The following SMOC1 variants were observed in gnomAD, a reference collection of about 807,000 sequenced individuals.
SMOC1 encodes the protein SPARC-related modular calcium-binding protein 1.
SMOC1 carries 22 observed loss-of-function variants against 56.3 expected under a neutral mutation model. The observed-to-expected ratio is 0.39, with a 90% confidence interval of 0.28 to 0.56. The LOEUF is 0.56. Among genes scored for constraint, SMOC1 ranks in the 20% least tolerant of loss-of-function variants. The pLI, the probability that SMOC1 is intolerant of heterozygous loss-of-function variation, is 0.61. For missense variants in SMOC1, 509 were observed against 565.4 expected (o/e 0.90, Z 1.01); for synonymous variants, 193 against 215.0 (o/e 0.90, Z 0.89).
chr14:69,953,312 T>C, intron 2 of SMOC1, 108 bp from the exon 3 acceptor site: 1 of 976,386 alleles, frequency 1.0e-6, no homozygotes, highest in Non-Finnish European at 1.7e-6. Context: ...AGCCAGTTAG[T>C]TGTGTGTGGG....
At chr14:69,943,539 T>C (rs1459154456) in intron 1 of SMOC1, among the ~76,000 whole-genome samples, 1 of 152,138 alleles carries the variant, frequency 6.6e-6, no homozygotes, top group African/African-American at 2.4e-5. Context: ...AAGGCCAAAG[T>C]CCAGTTTTGC....
intron 4 of SMOC1, among the ~76,000 whole-genome samples, chr14:69,976,779 C>T (rs1883975591): frequency 6.6e-6 from 1 of 152,136 alleles, no homozygotes. Flanking sequence ...ACATATTTTT[C>T]ATTTTAAGTG....
chr14:69,902,916 A>G (rs1382437038), intron 1 of SMOC1, among the ~76,000 whole-genome samples: 1 of 152,146 alleles, frequency 6.6e-6, no homozygotes, highest in African/African-American at 2.4e-5. Context: ...TCGTTCACTC[A>G]GTGCTCAGTG....
At chr14:70,022,246 C>T (rs1885751937) in intron 10 of SMOC1, among the ~76,000 whole-genome samples, 1 of 152,178 alleles carries the variant, frequency 6.6e-6, no homozygotes, top group Admixed American at 6.5e-5. Flanking sequence ...ACCCTGACTC[C>T]GTTTTGGGAG....
chr14:70,006,527 C>T (rs1885153013), intron 7 of SMOC1, among the ~76,000 whole-genome samples: 1 of 152,272 alleles, frequency 6.6e-6, no homozygotes, highest in South Asian at 2.1e-4. Flanking sequence ...GCTTACAGGG[C>T]TACAAAAATA....
At chr14:69,904,673 C>T (rs1884359045) in intron 1 of SMOC1, among the ~76,000 whole-genome samples, 1 of 152,190 alleles carries the variant, frequency 6.6e-6, no homozygotes, top group Non-Finnish European at 1.5e-5. Flanking sequence ...ATAGCATGGG[C>T]CCTGGAGTCA....
intron 1 of SMOC1, among the ~76,000 whole-genome samples, chr14:69,942,081 C>G (rs1369909913): frequency 6.6e-6 from 1 of 152,190 alleles, no homozygotes; most frequent in Non-Finnish European, 1.5e-5. Context: ...CTGTGACCAT[C>G]TCACATCTTG....
chr14:69,943,224 T>C (rs17107478), intron 1 of SMOC1, among the ~76,000 whole-genome samples: 11,774 of 152,248 alleles, frequency 0.077, 500 homozygotes, highest in African/African-American at 0.12. Flanking sequence ...GCTGTCAGGC[T>C]CTGTCGCAGA....
intron 1 of SMOC1, among the ~76,000 whole-genome samples, chr14:69,888,463 C>G (rs769328974): frequency 6.6e-6 from 1 of 152,196 alleles, no homozygotes; most frequent in African/African-American, 2.4e-5. Context: ...GGGGCAGCCT[C>G]TCTAAGACAG....
chr14:69,886,281 T>G, intron 1 of SMOC1: 1 of 611,678 alleles, frequency 1.6e-6, no homozygotes, highest in Non-Finnish European at 2.9e-6. Flanking sequence ...AGTTGGCCCT[T>G]TAGCATTTCA....
At chr14:69,923,006 A>G (rs892638742) in intron 1 of SMOC1, among the ~76,000 whole-genome samples, 17 of 150,334 alleles carry the variant, frequency 1.1e-4, no homozygotes, top group Admixed American at 1.1e-3. Flanking sequence ...GTGCAGTGGC[A>G]TGATCTCGGC....
chr14:69,985,274 A>G (rs540951334), intron 5 of SMOC1, among the ~76,000 whole-genome samples: 5 of 152,312 alleles, frequency 3.3e-5, no homozygotes, highest in African/African-American at 9.6e-5. Flanking sequence ...GAGAAACTGG[A>G]CCTCTCATAC....
chr14:69,900,824 A>G (rs1276049983), intron 1 of SMOC1, among the ~76,000 whole-genome samples: 1 of 152,234 alleles, frequency 6.6e-6, no homozygotes, highest in Non-Finnish European at 1.5e-5. Context: ...TGTGCTTGCC[A>G]CAGCTGATTA....
At chr14:70,027,639 C>T (rs1424250600) in intron 11 of SMOC1, among the ~76,000 whole-genome samples, 1 of 152,174 alleles carries the variant, frequency 6.6e-6, no homozygotes, top group Non-Finnish European at 1.5e-5. Context: ...TGATTTTAAT[C>T]CCAGCTCTGA....
chr14:69,930,056 C>T (rs1300943526), intron 1 of SMOC1, among the ~76,000 whole-genome samples: 2 of 151,844 alleles, frequency 1.3e-5, no homozygotes, highest in Non-Finnish European at 2.9e-5. Context: ...CCCCTGTATC[C>T]ACTTCAGAGA....
chr14:69,973,916 T>C (rs1594832311), intron 3 of SMOC1, among the ~76,000 whole-genome samples: 1 of 152,354 alleles, frequency 6.6e-6, no homozygotes, highest in East Asian at 1.9e-4. Context: ...GATTTCAATA[T>C]GTCCTTGATT....
chr14:69,980,652 G>T (rs1010643665), intron 5 of SMOC1, among the ~76,000 whole-genome samples: 2 of 152,206 alleles, frequency 1.3e-5, no homozygotes, highest in African/African-American at 2.4e-5. Context: ...TCTTTCAGCT[G>T]CCACTTAAGA....
Position 69,879,455 on chromosome 14 carries a change from A to C in SMOC1, c.-224A>C. The stretch of plus-strand genomic sequence containing the variant: ...CTGCCGCCTGGGCCCCGCCGAGCGG[A>C]GCTAGCGCCGCGCGCAGAGCACACG... On this transcript the variant is annotated 5_prime_UTR_variant, in exon 1 of 12. Coordinates refer to ENST00000361956, the MANE Select transcript of SMOC1 (RefSeq NM_001034852.3). The C allele has an allele frequency of 2.5e-6, 1 of 399,652 alleles. No homozygotes were observed. Among genetic ancestry groups the C allele is most frequent in the Non-Finnish European group, 4.4e-6 (1 of 228,874 alleles). The allele number at this position is 399,652 out of a possible 1,614,324, so 24.8% of individuals were successfully genotyped here.
At chr14:69,981,332 TCA>T (rs1433049882) in intron 5 of SMOC1, among the ~76,000 whole-genome samples, 1 of 152,210 alleles carries the variant, frequency 6.6e-6, no homozygotes, top group Non-Finnish European at 1.5e-5. Flanking sequence ...TGTCCTTTCC[TCA>T]CTCTGTTCTT....
Sources: gnomAD v4.1 joint callset for allele counts (sites outside exome capture counted in the v4.1 genomes callset) on GRCh38, gnomAD v4.1.1 for gene constraint, MANE v1.5 for transcripts, NCBI Gene and HGNC (gene_info 2026-07-23, HGNC 2026-07-21) for gene names.